PPP6R2: variants seen among roughly 807,000 people sequenced by gnomAD.
The protein encoded by PPP6R2 is protein phosphatase 6 regulatory subunit 2.
Under a neutral mutation model 100.2 loss-of-function variants are expected in PPP6R2, and 62 were observed. The ratio of observed to expected loss-of-function variants is 0.62; its 90% CI spans 0.50 to 0.76. The LOEUF is 0.76. PPP6R2 is among the 30% of genes least tolerant of loss of function. PPP6R2 has a pLI of 0.00. For missense variants in PPP6R2, 1,142 were observed against 1,276.3 expected (o/e 0.89, Z 1.60); for synonymous variants, 525 against 514.7 (o/e 1.02, Z -0.27).
intron 6 of PPP6R2, among the ~76,000 whole-genome samples, chr22:50,416,435 TCTC>T (rs2060547961): frequency 6.6e-6 from 1 of 151,866 alleles, no homozygotes; most frequent in Non-Finnish European, 1.5e-5. Flanking sequence ...TTCAAGCAAT[TCTC>T]CTGCTCACCC....
At chr22:50,415,988 CTA>C in intron 5 of PPP6R2, 102 bp from the exon 6 acceptor site, 1 of 1,023,328 alleles carries the variant, frequency 9.8e-7, no homozygotes, top group South Asian at 1.4e-5. Flanking sequence ...GGCAAAGAGT[CTA>C]TATTCTAGAA....
At chr22:50,365,658 G>A (rs1326527487) in intron 1 of PPP6R2, among the ~76,000 whole-genome samples, 2 of 145,228 alleles carry the variant, frequency 1.4e-5, no homozygotes, top group African/African-American at 2.6e-5. Flanking sequence ...CAGCCTGTGC[G>A]ACAGAGCAAG....
chr22:50,444,479 C>T lies in PPP6R2; in HGVS notation c.*232C>T, dbSNP rs145471981. 3,487 of 531,636 alleles carry T rather than the reference C, an allele frequency of 6.6e-3. 27 individuals carry two copies. Among genetic ancestry groups the T allele is most frequent in the African/African-American group, 9.6e-3 (486 of 50,690 alleles). The allele number at this position is 531,636 out of a possible 1,614,324, so 32.9% of individuals were successfully genotyped here. ...CTGGAGGACAGAGGGGCACCTCAGC[C>T]GCCCCCAAGCCCAGAGCACAGCAAT... On this transcript the variant is annotated 3_prime_UTR_variant, in exon 24 of 24. Coordinates refer to ENST00000612753, the MANE Select transcript of PPP6R2 (RefSeq NM_001242898.2).
chr22:50,354,860 G>C lies in PPP6R2; in HGVS notation c.-148+11310G>C, dbSNP rs571305765. On this transcript the variant is annotated intron_variant, in intron 1 of 23. Coordinates refer to ENST00000612753, the MANE Select transcript of PPP6R2 (RefSeq NM_001242898.2). ...ATTAGTTGTAAAAGCTGCTGCACCT[G>C]GATCAGCCTTTTTTTTTTTTTTTTT... 2.0e-5 allele frequency among the ~76,000 whole-genome samples: 3 copies of C among 147,304 alleles called. No individual in the cohort carries two copies. In the Admixed American group the frequency reaches 2.1e-4, roughly 10 times the overall value.
chr22:50,385,559 A>T (rs1324482063), intron 2 of PPP6R2, among the ~76,000 whole-genome samples: 1 of 140,502 alleles, frequency 7.1e-6, no homozygotes, highest in Non-Finnish European at 1.5e-5. Context: ...CTCATCCCCT[A>T]GGCTGGAGTG....
At chr22:50,418,258 T>TA (rs796186758) in intron 6 of PPP6R2, among the ~76,000 whole-genome samples, 10 of 152,030 alleles carry the variant, frequency 6.6e-5, no homozygotes, top group South Asian at 2.1e-4. Flanking sequence ...AATGCAGCTT[T>TA]AAAAAAAAGA....
chr22:50,363,901 T>C (rs1433358628), intron 1 of PPP6R2, among the ~76,000 whole-genome samples: 3 of 152,064 alleles, frequency 2.0e-5, no homozygotes, highest in Non-Finnish European at 4.4e-5. Context: ...AACTTTTTTT[T>C]TTTTTTTTTG....
chr22:50,343,227 A>AGGTCCCGGCCCC (rs2042612516), upstream of PPP6R2: 1 of 150,928 alleles, frequency 6.6e-6, no homozygotes, highest in African/African-American at 2.4e-5. Context: ...GAGCCGGCCC[A>AGGTCCCGGCCCC]GGTCCCGGCC....
the PPP6R2 span, among the ~76,000 whole-genome samples, chr22:50,337,322 GTGTGTGGTGTGTGTGTCTGCGA>G: frequency 6.9e-6 from 1 of 144,526 alleles, no homozygotes; most frequent in African/African-American, 2.6e-5. Context: ...GCCTGCATGT[GTGTGTGGTGTGTGTGTCTGCGA>G]TGTGTGGTGT....
chr22:50,378,582 G>GAA (rs1555995375), intron 2 of PPP6R2, among the ~76,000 whole-genome samples: 104 of 117,274 alleles, frequency 8.9e-4, no homozygotes, highest in African/African-American at 3.3e-3. Context: ...GCAAAACTCT[G>GAA]AAAAAAAAAA....
In PPP6R2 at chr22:50,444,249, G is replaced by C; in HGVS notation, c.*2G>C. The C allele has an allele frequency of 1.2e-6, 2 of 1,612,766 alleles. No individual in the cohort carries two copies. The highest frequency in any genetic ancestry group is 1.7e-6 in the Non-Finnish European group (2 of 1,179,790). ...GCTGCCTTAAATGGCCCAGTGTGAT[G>C]CTGCTGCCGCCCGGCCACGGCCCAC... On this transcript the variant is annotated 3_prime_UTR_variant, in exon 24 of 24. Coordinates refer to ENST00000612753, the MANE Select transcript of PPP6R2 (RefSeq NM_001242898.2).
At chr22:50,357,489 G>GTC (rs201740118) in intron 1 of PPP6R2, among the ~76,000 whole-genome samples, 81 of 143,738 alleles carry the variant, frequency 5.6e-4, no homozygotes, top group African/African-American at 1.9e-3. Context: ...TTTCCTCCCT[G>GTC]TCTCTCTCTC....
chr22:50,394,876 T>C (rs2056433300), intron 3 of PPP6R2, among the ~76,000 whole-genome samples: 1 of 133,912 alleles, frequency 7.5e-6, no homozygotes, highest in Non-Finnish European at 1.5e-5. Flanking sequence ...ATCACACCAC[T>C]GCACTGCATC....
At chr22:50,375,909 C>T (rs2051435700) in intron 2 of PPP6R2, among the ~76,000 whole-genome samples, 1 of 131,890 alleles carries the variant, frequency 7.6e-6, no homozygotes, top group Non-Finnish European at 1.5e-5. Flanking sequence ...AGCACAATCT[C>T]GGTTCACTGC....
chr22:50,334,622 A>C, the PPP6R2 span, among the ~76,000 whole-genome samples: 2 of 152,054 alleles, frequency 1.3e-5, no homozygotes, highest in Admixed American at 6.6e-5. Flanking sequence ...GATCATTTGC[A>C]TATCTATACA....
chr22:50,438,595 C>G lies in PPP6R2; in HGVS notation c.1965-4C>G. On this transcript the variant is annotated splice_region_variant and splice_polypyrimidine_tract_variant and intron_variant, in intron 18 of 23. Coordinates refer to ENST00000612753, the MANE Select transcript of PPP6R2 (RefSeq NM_001242898.2). ...CCAGACATCTGACTCTGAATCTCCC[C>G]CAGGTTTGGAGCCCCCCATGCTTCA... The G allele has an allele frequency of 6.2e-7, 1 of 1,613,596 alleles. No individual in the cohort carries two copies. Among genetic ancestry groups the G allele is most frequent in the East Asian group, 2.2e-5 (1 of 44,864 alleles).
At chr22:50,430,435 C>T (rs1470797570) in intron 10 of PPP6R2, among the ~76,000 whole-genome samples, 1 of 152,238 alleles carries the variant, frequency 6.6e-6, no homozygotes, top group East Asian at 1.9e-4. Flanking sequence ...AGGAACTTCT[C>T]ACATACTTAG....
chr22:50,388,689 T>C (rs972279369), intron 2 of PPP6R2, among the ~76,000 whole-genome samples: 4 of 151,942 alleles, frequency 2.6e-5, no homozygotes, highest in Admixed American at 6.6e-5. Flanking sequence ...CTGGCCAATA[T>C]GGTGAAACCC....
At chr22:50,438,465 G>A in intron 18 of PPP6R2, 134 bp from the exon 19 acceptor site, 1 of 1,428,244 alleles carries the variant, frequency 7.0e-7, no homozygotes, top group Non-Finnish European at 9.5e-7. Flanking sequence ...CAGAGCTGAG[G>A]CCTGGAGCGT....
Sources: allele counts gnomAD v4.1 joint callset (sites outside exome capture counted in the v4.1 genomes callset), GRCh38; gene constraint gnomAD v4.1.1; transcripts MANE v1.5; gene names NCBI Gene and HGNC (gene_info 2026-07-23, HGNC 2026-07-21).